Variants in SLC1A3 observed in about 807,000 individuals in gnomAD.
SLC1A3 encodes solute carrier family 1 member 3.
SLC1A3 carries 21 observed loss-of-function variants against 48.1 expected under a neutral mutation model. The ratio of observed to expected loss-of-function variants is 0.44; its 90% confidence interval spans 0.31 to 0.63. SLC1A3 has a LOEUF of 0.63. SLC1A3 is among the 20% of genes least tolerant of loss of function. The pLI, the probability that SLC1A3 is intolerant of heterozygous loss-of-function variation, is 0.08. For synonymous variants in SLC1A3, 239 were observed against 251.4 expected (o/e 0.95, Z 0.47); for missense variants, 546 against 689.0 (o/e 0.79, Z 2.32).
intron 3 of SLC1A3, 106 bp from the exon 4 acceptor site, chr5:36,670,923 G>A (rs1170274889): frequency 3.2e-6 from 3 of 950,000 alleles, no homozygotes; most frequent in Non-Finnish European, 5.0e-6. Context: ...CCCATGGCTG[G>A]GTGGGATAAG....
At chr5:36,634,791 G>C (rs1179082698) in intron 3 of SLC1A3, among the ~76,000 whole-genome samples, 1 of 152,120 alleles carries the variant, frequency 6.6e-6, no homozygotes, top group Non-Finnish European at 1.5e-5. Context: ...TCAAATGTGG[G>C]ACTCAATGAC....
intron 3 of SLC1A3, chr5:36,668,484 A>G (rs1741851481): frequency 6.6e-6 from 1 of 152,262 alleles, no homozygotes; most frequent in African/African-American, 2.4e-5. Context: ...GAGGTGGTCA[A>G]GTAACTCTGT....
intron 2 of SLC1A3, among the ~76,000 whole-genome samples, chr5:36,616,198 A>C (rs1056668362): frequency 2.6e-5 from 4 of 152,196 alleles, no homozygotes; most frequent in African/African-American, 4.8e-5. Flanking sequence ...CCATCTAAAA[A>C]AAAAAGATGA....
In SLC1A3 at chr5:36,647,709, G is replaced by A. The variant is rs541868402; in HGVS notation, c.319+18122G>A. Reference sequence around the variant, plus strand: ...GAGCTTTTTGTCAGCATTGGAAAAAGGGAGATTTGGGTCAAATTTTGACTG... The same window carrying A: ...GAGCTTTTTGTCAGCATTGGAAAAAAGGAGATTTGGGTCAAATTTTGACTG... On this transcript the variant is annotated intron_variant, in intron 3 of 9. Transcript: ENST00000265113. Among the ~76,000 whole-genome samples the A allele has an allele frequency of 1.1e-4, 16 of 152,290 alleles. No homozygotes were observed. In the South Asian group the frequency reaches 3.3e-3, roughly 32 times the overall value.
chr5:36,657,260 A>T (rs1041572666), intron 3 of SLC1A3, among the ~76,000 whole-genome samples: 9 of 152,174 alleles, frequency 5.9e-5, no homozygotes, highest in African/African-American at 2.2e-4. Context: ...GCTATAGGGA[A>T]TTTTTTTGTT....
At chr5:36,642,306 A>G (rs1194780588) in intron 3 of SLC1A3, among the ~76,000 whole-genome samples, 1 of 152,182 alleles carries the variant, frequency 6.6e-6, no homozygotes, top group East Asian at 1.9e-4. Context: ...TACACCACAT[A>G]AGCACGTTTT....
intron 3 of SLC1A3, chr5:36,668,278 A>AG (rs1370763692): frequency 4.6e-5 from 7 of 152,246 alleles, no homozygotes; most frequent in African/African-American, 1.7e-4. Context: ...AGTTTAGGTG[A>AG]GGGTGGGAAA....
chr5:36,609,137 G>GA (rs777852692), intron 2 of SLC1A3: 13 of 986,036 alleles, frequency 1.3e-5, no homozygotes, highest in Non-Finnish European at 1.6e-5. Context: ...GTAGATTGGG[G>GA]AAAATGTTAA....
chr5:36,656,717 C>T (rs1392351909), intron 3 of SLC1A3, among the ~76,000 whole-genome samples: 1 of 152,192 alleles, frequency 6.6e-6, no homozygotes, highest in Non-Finnish European at 1.5e-5. Flanking sequence ...AGTATAGTTG[C>T]TTAATTATTC....
At chr5:36,684,748 G>C (rs144402180) in intron 9 of SLC1A3, among the ~76,000 whole-genome samples, 1 of 152,178 alleles carries the variant, frequency 6.6e-6, no homozygotes, top group African/African-American at 2.4e-5. Context: ...GACAGTGTGC[G>C]TGAAACCCCA....
chr5:36,665,419 C>T (rs1266548783), intron 3 of SLC1A3, among the ~76,000 whole-genome samples: 1 of 152,206 alleles, frequency 6.6e-6, no homozygotes. Flanking sequence ...ACAGAATGAA[C>T]AAAACTGTCC....
At chr5:36,612,950 C>T (rs773759059) in intron 2 of SLC1A3, 5 of 420,326 alleles carry the variant, frequency 1.2e-5, no homozygotes, top group East Asian at 7.9e-5. Flanking sequence ...ACTGAAAGCC[C>T]ACTGGTGAGA....
intron 2 of SLC1A3, among the ~76,000 whole-genome samples, chr5:36,612,547 C>A (rs1312464241): frequency 6.6e-6 from 1 of 151,722 alleles, no homozygotes; most frequent in African/African-American, 2.4e-5. Flanking sequence ...CATGTTCATG[C>A]CATTGCACTC....
chr5:36,686,716 G>A lies in SLC1A3; in HGVS notation c.*447G>A, dbSNP rs1262113533. On this transcript the variant is annotated 3_prime_UTR_variant, in exon 10 of 10. Transcript: ENST00000265113. The stretch of plus-strand genomic sequence containing the variant: ...CTTGAATTACAACCGGTTATCAGTT[G>A]GACAGTAAGATTTTATCCCTTTCTC... 7 of 260,580 alleles carry A rather than the reference G, an allele frequency of 2.7e-5. No homozygotes were observed. The highest frequency in any genetic ancestry group is 5.2e-5 in the Non-Finnish European group (7 of 133,662). 16.1% of individuals were successfully genotyped at this position (260,580 alleles called of 1,614,324 possible).
chr5:36,618,136 ATCAGGTAGAT>A (rs1739522868), intron 2 of SLC1A3, among the ~76,000 whole-genome samples: 3 of 152,226 alleles, frequency 2.0e-5, no homozygotes, highest in Non-Finnish European at 4.4e-5. Context: ...TCAGGATAGA[ATCAGGTAGAT>A]GCAGGTATCT....
At chr5:36,597,351 A>G (rs1738756504) in intron 1 of SLC1A3, among the ~76,000 whole-genome samples, 1 of 137,048 alleles carries the variant, frequency 7.3e-6, no homozygotes, top group Non-Finnish European at 1.5e-5. Context: ...GGTTCACGCC[A>G]TTCTCCTGCC....
At chr5:36,653,143 G>C (rs1741151499) in intron 3 of SLC1A3, among the ~76,000 whole-genome samples, 2 of 152,128 alleles carry the variant, frequency 1.3e-5, no homozygotes, top group African/African-American at 2.4e-5. Context: ...GAATAAGTTA[G>C]CATGTAAATT....
At chr5:36,659,110 A>T (rs1234953275) in intron 3 of SLC1A3, among the ~76,000 whole-genome samples, 3 of 152,214 alleles carry the variant, frequency 2.0e-5, no homozygotes, top group Non-Finnish European at 4.4e-5. Context: ...TAGTGTGAAG[A>T]AGAATTTATT....
chr5:36,615,810 C>G (rs959750292), intron 2 of SLC1A3, among the ~76,000 whole-genome samples: 1 of 152,236 alleles, frequency 6.6e-6, no homozygotes, highest in East Asian at 1.9e-4. Flanking sequence ...TATTTGCTGG[C>G]AGCTAGGTGA....
Sources: gnomAD v4.1 joint callset for allele counts (sites outside exome capture counted in the v4.1 genomes callset) on GRCh38, gnomAD v4.1.1 for gene constraint, MANE v1.5 for transcripts, NCBI Gene and HGNC (gene_info 2026-07-23, HGNC 2026-07-21) for gene names.